SPAG9: variants seen among roughly 807,000 people sequenced by gnomAD.
The protein encoded by SPAG9 is sperm associated antigen 9.
Under a neutral mutation model 166.5 loss-of-function variants are expected in SPAG9, and 35 were observed. The ratio of observed to expected loss-of-function variants is 0.21; its 90% CI spans 0.16 to 0.28. The LOEUF (loss-of-function observed/expected upper bound fraction) is 0.28. Among genes scored for constraint, SPAG9 ranks in the 10% least tolerant of loss-of-function variants. The probability of loss-of-function intolerance (pLI) is 1.00; values close to 1 mark genes in which losing one functional copy is unlikely to be tolerated. For synonymous variants in SPAG9, 534 were observed against 565.5 expected (o/e 0.94, Z 0.79); for missense variants, 1,235 against 1,603.3 (o/e 0.77, Z 3.92).
chr17:51,030,947 C>T (rs1232963599), intron 6 of SPAG9: 1 of 142,036 alleles, frequency 7.0e-6, no homozygotes, highest in Non-Finnish European at 1.5e-5. Context: ...TGGAGTCTCG[C>T]TGTGTTGCCC....
At chr17:50,979,608 G>T in intron 26 of SPAG9, 138 bp downstream of exon 26, 1 of 750,564 alleles carries the variant, frequency 1.3e-6, no homozygotes, top group Non-Finnish European at 2.2e-6. Flanking sequence ...AGGCTATAGT[G>T]TGCTATGACT....
At chr17:51,051,043 A>T (rs1023026073) in intron 3 of SPAG9, among the ~76,000 whole-genome samples, 4 of 149,896 alleles carry the variant, frequency 2.7e-5, no homozygotes, top group Non-Finnish European at 5.9e-5. Flanking sequence ...TAAAAAAAAA[A>T]CAAAAAGAAA....
chr17:51,099,433 CAAAAAAA>C (rs34069450), intron 1 of SPAG9, among the ~76,000 whole-genome samples: 2 of 75,536 alleles, frequency 2.6e-5, no homozygotes, highest in African/African-American at 1.2e-4. Flanking sequence ...AACTCTGTCT[CAAAAAAA>C]AAAAAAAAAA....
At chr17:51,095,809 G>A (rs2048601938) in intron 1 of SPAG9, among the ~76,000 whole-genome samples, 1 of 138,486 alleles carries the variant, frequency 7.2e-6, no homozygotes, top group Non-Finnish European at 1.6e-5. Flanking sequence ...GATATATAGT[G>A]AGATATATAT....
intron 1 of SPAG9, chr17:51,085,310 A>C (rs761213203): frequency 1.6e-4 from 25 of 152,254 alleles, no homozygotes; most frequent in Non-Finnish European, 3.7e-4. Context: ...ACACCTAATA[A>C]GGGACACACA....
intron 4 of SPAG9, among the ~76,000 whole-genome samples, chr17:51,043,565 T>C (rs2046919952): frequency 6.6e-6 from 1 of 152,212 alleles, no homozygotes; most frequent in South Asian, 2.1e-4. Flanking sequence ...ATATTCATTC[T>C]GGACAAAATA....
intron 1 of SPAG9, among the ~76,000 whole-genome samples, chr17:51,090,019 T>A (rs910662522): frequency 2.0e-5 from 3 of 151,908 alleles, no homozygotes; most frequent in African/African-American, 7.3e-5. Flanking sequence ...CATTTTAGCT[T>A]ACTCTAAAAG....
At chr17:51,008,116 A>C (rs2045303755) in intron 9 of SPAG9, among the ~76,000 whole-genome samples, 1 of 152,188 alleles carries the variant, frequency 6.6e-6, no homozygotes, top group African/African-American at 2.4e-5. Context: ...AATTAGATTG[A>C]AAATCTTCAA....
intron 3 of SPAG9, among the ~76,000 whole-genome samples, chr17:51,048,711 A>C (rs1457151113): frequency 1.3e-5 from 2 of 152,188 alleles, no homozygotes; most frequent in African/African-American, 4.8e-5. Context: ...AGTTAATTTT[A>C]AGATGTTATT....
intron 5 of SPAG9, among the ~76,000 whole-genome samples, chr17:51,037,685 A>ATATATATATATATATATATATAGT: frequency 1.2e-5 from 1 of 83,492 alleles, no homozygotes; most frequent in African/African-American, 3.9e-5. Context: ...ATATATATAT[A>ATATATATATATATATATATATAGT]GTGTGTGTGT....
At position 50,998,517 on chromosome 17, in the gene SPAG9, C is replaced by A. The variant is rs370432312; in HGVS notation, c.1765G>T (p.Val589Phe). 3 of 1,614,086 alleles carry A rather than the reference C, an allele frequency of 1.9e-6. No individual in the cohort carries two copies. Among genetic ancestry groups the A allele is most frequent in the Non-Finnish European group, 2.5e-6 (3 of 1,179,966 alleles). ...NAPTSHVTPS[V>F]KKRSSTLSQL... ...GATAAGGTGCTGCTTCTTTTCTTGA[C>A]GGACGGAGTAACATGAGACGTGGGT... The change falls in exon 15 of 30, where the codon GTC becomes TTC. Residue 589 changes from valine to phenylalanine, a missense_variant. Val to Phe is a conservative substitution (Grantham distance 50). This residue lies in a region of SPAG9 where 493 missense variants were observed against 559.4 expected (regional missense o/e 0.88). Coordinates refer to ENST00000262013, the MANE Select transcript of SPAG9 (RefSeq NM_001130528.3).
chr17:51,077,694 A>C (rs1252088734), intron 2 of SPAG9, among the ~76,000 whole-genome samples: 1 of 151,456 alleles, frequency 6.6e-6, no homozygotes, highest in Non-Finnish European at 1.5e-5. Context: ...TCTCTTACCC[A>C]GCCTGGAGTG....
chr17:51,017,100 C>T (rs990509088), intron 8 of SPAG9, among the ~76,000 whole-genome samples: 4 of 152,148 alleles, frequency 2.6e-5, no homozygotes, highest in Non-Finnish European at 5.9e-5. Context: ...AGAAAGCCAA[C>T]AGCTAGCATC....
intron 25 of SPAG9, among the ~76,000 whole-genome samples, chr17:50,982,034 GA>G (rs896339872): frequency 1.5e-3 from 200 of 130,392 alleles, no homozygotes; most frequent in African/African-American, 3.6e-3. Flanking sequence ...CTCTGTCTCA[GA>G]AAAAAAAAAA....
intron 13 of SPAG9, among the ~76,000 whole-genome samples, 162 bp from the exon 14 acceptor site, chr17:50,999,879 A>G (rs972773233): frequency 6.6e-6 from 1 of 152,198 alleles, no homozygotes; most frequent in Non-Finnish European, 1.5e-5. Context: ...GTGTCAGTCA[A>G]TCTGCTAAAG....
At position 50,995,140 on chromosome 17, in the gene SPAG9, CCTTGTAAAATACA is replaced by C. The variant is rs1567975315; in HGVS notation, c.2130_2142del (p.Ser710ArgfsTer21). 1 of 1,614,072 alleles carries C rather than the reference CCTTGTAAAATACA, an allele frequency of 6.2e-7. No homozygotes were observed. The highest frequency in any genetic ancestry group is 8.5e-7 in the Non-Finnish European group (1 of 1,179,950). ...CCTTCTGTATCCAAACCAGCAACAT[CCTTGTAAAATACA>C]CTTGCTCCAACAACAGAACCACCAT... On this transcript the variant is annotated frameshift_variant, in exon 18 of 30. Coordinates refer to ENST00000262013, the MANE Select transcript of SPAG9 (RefSeq NM_001130528.3). LOFTEE classifies it high-confidence loss of function.
intron 2 of SPAG9, among the ~76,000 whole-genome samples, chr17:51,074,329 G>A (rs974439740): frequency 1.3e-5 from 2 of 152,230 alleles, no homozygotes; most frequent in Non-Finnish European, 2.9e-5. Flanking sequence ...GGAGGCTGAG[G>A]CAGGAGAATT....
intron 3 of SPAG9, among the ~76,000 whole-genome samples, chr17:51,047,796 A>G (rs2047072242): frequency 6.6e-6 from 1 of 151,946 alleles, no homozygotes; most frequent in Admixed American, 6.5e-5. Context: ...AGACACTGGG[A>G]AAGAAGTCAT....
At chr17:51,117,634 G>A (rs867604421) in intron 1 of SPAG9, among the ~76,000 whole-genome samples, 1 of 150,130 alleles carries the variant, frequency 6.7e-6, no homozygotes, top group African/African-American at 2.5e-5. Flanking sequence ...GCTTGAACCC[G>A]GGAGGCGGAG....
Sources: allele counts gnomAD v4.1 joint callset (sites outside exome capture counted in the v4.1 genomes callset), GRCh38; gene constraint gnomAD v4.1.1; regional missense constraint gnomAD v4.1.1; transcripts MANE v1.5; gene names NCBI Gene and HGNC (gene_info 2026-07-23, HGNC 2026-07-21).